The following SFMBT2 variants were observed in gnomAD, a reference collection of about 807,000 sequenced individuals.
SFMBT2 encodes scm-like with four MBT domains protein 2.
Under a neutral mutation model 110.1 loss-of-function variants are expected in SFMBT2, and 38 were observed. The observed-to-expected ratio is 0.35, with a 90% confidence interval of 0.27 to 0.45. The LOEUF (loss-of-function observed/expected upper bound fraction) is 0.45, where lower values mean the gene tolerates loss of function less well. SFMBT2 is among the 20% of genes least tolerant of loss of function. SFMBT2 has a pLI of 1.00. For missense variants in SFMBT2, 1,011 were observed against 1,094.9 expected, an observed-to-expected ratio of 0.92 and a Z score of 1.08; for synonymous variants, 425 against 425.4, an observed-to-expected ratio of 1.00 and a Z score of 0.01.
intron 4 of SFMBT2, among the ~76,000 whole-genome samples, chr10:7,307,356 T>A (rs1842725723): frequency 6.6e-6 from 1 of 152,192 alleles, no homozygotes; most frequent in Non-Finnish European, 1.5e-5. Flanking sequence ...AAAAATTATA[T>A]GGAAGTAAAG....
chr10:7,234,678 CG>C (rs1005999204), intron 9 of SFMBT2, among the ~76,000 whole-genome samples: 2 of 152,032 alleles, frequency 1.3e-5, no homozygotes, highest in African/African-American at 2.4e-5. Flanking sequence ...GTCCAGTAGC[CG>C]GGCGGGACGA....
intron 4 of SFMBT2, among the ~76,000 whole-genome samples, chr10:7,302,270 C>T (rs1395563958): frequency 6.6e-6 from 1 of 152,180 alleles, no homozygotes; most frequent in African/African-American, 2.4e-5. Flanking sequence ...TCCCTCTTCT[C>T]TCATGTAGTT....
intron 1 of SFMBT2, among the ~76,000 whole-genome samples, chr10:7,405,134 G>A (rs941677857): frequency 4.6e-5 from 7 of 152,228 alleles, no homozygotes; most frequent in African/African-American, 1.4e-4. Flanking sequence ...CCCTAGGAAC[G>A]GAAAACCTTG....
intron 1 of SFMBT2, among the ~76,000 whole-genome samples, chr10:7,384,236 A>AC (rs1845518071): frequency 1.3e-5 from 2 of 150,398 alleles, no homozygotes; most frequent in South Asian, 4.2e-4. Flanking sequence ...AAAAAAAAAA[A>AC]AACAACCACA....
At chr10:7,179,559 C>T (rs1178163449) in intron 16 of SFMBT2, among the ~76,000 whole-genome samples, 1 of 152,154 alleles carries the variant, frequency 6.6e-6, no homozygotes, top group Non-Finnish European at 1.5e-5. Flanking sequence ...GGTGGCCCCA[C>T]AACTTTGTTG....
intron 16 of SFMBT2, among the ~76,000 whole-genome samples, chr10:7,181,991 G>A (rs150071259): frequency 2.5e-4 from 38 of 152,282 alleles, no homozygotes; most frequent in African/African-American, 8.9e-4. Context: ...GTGGACAGGG[G>A]TTTGAGCTCC....
At chr10:7,394,979 G>A (rs1040219903) in intron 1 of SFMBT2, among the ~76,000 whole-genome samples, 3 of 152,170 alleles carry the variant, frequency 2.0e-5, no homozygotes, top group African/African-American at 4.8e-5. Context: ...GATGGGTGGT[G>A]TGTCTTTAAC....
chr10:7,370,199 A>G, intron 3 of SFMBT2, 82 bp downstream of exon 3: 1 of 1,282,698 alleles, frequency 7.8e-7, no homozygotes, highest in South Asian at 1.2e-5. Context: ...CCCTTCTTCC[A>G]TTGAGTTCTC....
At chr10:7,259,991 A>T (rs1841144190) in intron 7 of SFMBT2, among the ~76,000 whole-genome samples, 1 of 152,234 alleles carries the variant, frequency 6.6e-6, no homozygotes, top group Non-Finnish European at 1.5e-5. Context: ...AGATTCAAAG[A>T]TGCTGTTATG....
chr10:7,194,434 T>C (rs1015683651), intron 15 of SFMBT2, among the ~76,000 whole-genome samples: 1 of 152,134 alleles, frequency 6.6e-6, no homozygotes, highest in Non-Finnish European at 1.5e-5. Flanking sequence ...CCAAAGACCA[T>C]GTCTGCATCC....
chr10:7,284,214 T>C (rs748935966), intron 5 of SFMBT2, 64 bp from the exon 6 acceptor site: 1 of 1,573,610 alleles, frequency 6.4e-7, no homozygotes, highest in Non-Finnish European at 8.6e-7. Flanking sequence ...TGGAAACAGA[T>C]GACAGCAGAA....
chr10:7,385,285 T>C (rs1342360792), intron 1 of SFMBT2, among the ~76,000 whole-genome samples: 1 of 152,086 alleles, frequency 6.6e-6, no homozygotes, highest in Non-Finnish European at 1.5e-5. Context: ...ACGTGGTCAC[T>C]GAGGAAGAGA....
chr10:7,287,181 G>A (rs1182749257), intron 4 of SFMBT2, among the ~76,000 whole-genome samples: 36 of 142,852 alleles, frequency 2.5e-4, no homozygotes, highest in African/African-American at 8.8e-4. Context: ...CCAGGTTCAC[G>A]CCATTCTCCT....
Position 7,170,020 on chromosome 10 carries a change from C to T in SFMBT2, c.2544+908G>A, listed in dbSNP as rs148871172. 5.6e-4 allele frequency among the ~76,000 whole-genome samples: 85 copies of T among 152,294 alleles called. No homozygotes were observed. The highest frequency in any genetic ancestry group is 2.0e-3 in the African/African-American group (85 of 41,550). ...GCATTCAGTACGACACACCAGCCAG[C>T]GGGCTTCTGCTCTGGGCAGGCCAGG... On this transcript the variant is annotated intron_variant, in intron 20 of 20. Transcript: ENST00000397167. This position sits in a 1 kb window ranked among gnomAD's most constrained non-coding sequence, Gnocchi z 4.6.
chr10:7,252,188 G>C (rs1840832583), intron 7 of SFMBT2, among the ~76,000 whole-genome samples: 1 of 152,094 alleles, frequency 6.6e-6, no homozygotes, highest in Admixed American at 6.5e-5. Flanking sequence ...CAAGTCCTCT[G>C]GGAAGCTCTG....
chr10:7,367,567 G>A lies in SFMBT2; in HGVS notation c.436+82C>T. On this transcript the variant is annotated intron_variant, in intron 4 of 20. Coordinates refer to ENST00000397167, the MANE Select transcript of SFMBT2 (RefSeq NM_001387889.1). The surrounding 1 kb of genome is among the most constrained non-coding windows in gnomAD (Gnocchi z 6.2). ...TAAGACCATTAGGGATTCTACGCAAGGTTCTCTCTGCTCCTTGCAAAATTA... is the reference window on the plus strand; with the variant it reads ...TAAGACCATTAGGGATTCTACGCAAAGTTCTCTCTGCTCCTTGCAAAATTA... 2.0e-6 allele frequency: 3 copies of A among 1,534,000 alleles called. No individual in the cohort carries two copies. Among genetic ancestry groups the A allele is most frequent in the Non-Finnish European group, 2.6e-6 (3 of 1,145,138 alleles).
intron 15 of SFMBT2, 47 bp from the exon 16 acceptor site, chr10:7,188,780 C>A (rs1283379572): frequency 6.7e-7 from 1 of 1,484,020 alleles, no homozygotes; most frequent in South Asian, 1.2e-5. Context: ...TGCATTCATT[C>A]CTACTAACAC....
chr10:7,228,368 TA>T, intron 9 of SFMBT2: 1 of 720,738 alleles, frequency 1.4e-6, no homozygotes, highest in African/African-American at 4.5e-5. Flanking sequence ...TACTGGGAAA[TA>T]AAAAATTAAA....
intron 15 of SFMBT2, among the ~76,000 whole-genome samples, chr10:7,192,457 G>A (rs1001833900): frequency 7.2e-5 from 11 of 152,290 alleles, no homozygotes; most frequent in East Asian, 1.9e-4. Context: ...TGGGGCAGCC[G>A]ACTTTCAGGA....
Sources: gnomAD v4.1 joint callset for allele counts (sites outside exome capture counted in the v4.1 genomes callset) on GRCh38, gnomAD v4.1.1 for gene constraint, Gnocchi (gnomAD v3.1) non-coding constraint, MANE v1.5 for transcripts, NCBI Gene and HGNC (gene_info 2026-07-23, HGNC 2026-07-21) for gene names.